Variants in ANKS1A observed in about 807,000 individuals in gnomAD.
The protein encoded by ANKS1A is ankyrin repeat and SAM domain-containing protein 1A.
A neutral mutation model predicts 120.3 loss-of-function variants in ANKS1A; 55 were observed. The ratio of observed to expected loss-of-function variants is 0.46; its 90% CI spans 0.37 to 0.57. ANKS1A has a LOEUF of 0.57. Ranked by LOEUF, ANKS1A falls within the 20% of genes least tolerant of loss-of-function variation. The pLI is 0.00. For synonymous variants in ANKS1A, 590 were observed against 604.7 expected (o/e 0.98, Z 0.36); for missense variants, 1,123 against 1,480.3 (o/e 0.76, Z 3.96).
intron 11 of ANKS1A, among the ~76,000 whole-genome samples, chr6:35,038,021 G>T (rs899331079): frequency 6.6e-6 from 1 of 152,124 alleles, no homozygotes; most frequent in East Asian, 1.9e-4. Context: ...GATGGCTGGC[G>T]TCAGGTCTCT....
rs1315939764 is a variant in ANKS1A, at chr6:35,017,773, C to T, written c.1724C>T (p.Thr575Ile). The change falls in exon 11 of 24, where the codon ACC (threonine) becomes ATC (isoleucine). Residue 575 changes from threonine (T) to isoleucine (I), a missense_variant. Coordinates refer to ENST00000360359, the MANE Select transcript of ANKS1A (RefSeq NM_015245.3). Reference protein sequence around the residue: ...RVGYLTGLPTTNSRSHPETLT... With the variant: ...RVGYLTGLPTINSRSHPETLT... Reference sequence around the variant, plus strand: ...GGCTACCTCACAGGCCTGCCCACCACCAACAGCCGCTCGCACCCTGAAACT... The same window carrying T: ...GGCTACCTCACAGGCCTGCCCACCATCAACAGCCGCTCGCACCCTGAAACT... The T allele has an allele frequency of 6.2e-7, 1 of 1,614,050 alleles. No individual in the cohort carries two copies. Among genetic ancestry groups the T allele is most frequent in the Non-Finnish European group, 8.5e-7 (1 of 1,180,050 alleles).
chr6:34,950,118 T>TAC (rs982804888), intron 1 of ANKS1A, among the ~76,000 whole-genome samples: 38 of 152,240 alleles, frequency 2.5e-4, no homozygotes, highest in African/African-American at 8.7e-4. Context: ...AGCTTGAGGT[T>TAC]ACAGTGAGCT....
chr6:35,055,212 G>C (rs1447535286), intron 12 of ANKS1A, among the ~76,000 whole-genome samples: 1 of 152,164 alleles, frequency 6.6e-6, no homozygotes, highest in East Asian at 1.9e-4. Context: ...CTTGGCTCTA[G>C]AGACATATGT....
chr6:35,064,566 C>T (rs976680110), intron 13 of ANKS1A, among the ~76,000 whole-genome samples: 2 of 152,224 alleles, frequency 1.3e-5, no homozygotes, highest in African/African-American at 4.8e-5. Context: ...ACCAGGTCCC[C>T]AAGCCCCTGA....
intron 10 of ANKS1A, among the ~76,000 whole-genome samples, chr6:35,011,333 C>T (rs1249182192): frequency 1.3e-5 from 2 of 152,176 alleles, no homozygotes; most frequent in Non-Finnish European, 2.9e-5. Flanking sequence ...GGAGCAAAGA[C>T]AGCAAATATG....
chr6:35,074,451 G>C (rs1263275991), intron 13 of ANKS1A, among the ~76,000 whole-genome samples: 1 of 151,042 alleles, frequency 6.6e-6, no homozygotes, highest in African/African-American at 2.4e-5. Context: ...AAAAAAAATA[G>C]CCAGGCATGG....
At chr6:35,012,608 G>A (rs560911541) in intron 10 of ANKS1A, among the ~76,000 whole-genome samples, 5 of 152,332 alleles carry the variant, frequency 3.3e-5, no homozygotes, top group Admixed American at 2.0e-4. Context: ...ATTTAAGTGG[G>A]CAGAGGTGAA....
chr6:35,085,685 A>C lies in ANKS1A; in HGVS notation c.3133-81A>C, dbSNP rs118103898. The C allele has an allele frequency of 1.1e-4, 162 of 1,433,480 alleles. No homozygotes were observed. In the East Asian group the frequency reaches 3.8e-3, roughly 34 times the overall value. The allele number at this position is 1,433,480 out of a possible 1,614,324, so 88.8% of individuals were successfully genotyped here. ...CCCGGGTAGACTTAGAGGGGGACAC[A>C]TGGTCCCTGCGAGGAAGGGCATATC... On this transcript the variant is annotated intron_variant, in intron 21 of 23. Transcript: ENST00000360359. The surrounding 1 kb of genome is among the most constrained non-coding windows in gnomAD (Gnocchi z 4.7).
chr6:35,066,208 G>T (rs377406014), intron 13 of ANKS1A, among the ~76,000 whole-genome samples: 1 of 152,202 alleles, frequency 6.6e-6, no homozygotes, highest in Non-Finnish European at 1.5e-5. Context: ...GAGCAAAACC[G>T]CATGTAAGGA....
chr6:34,949,680 G>T (rs763524603), intron 1 of ANKS1A, among the ~76,000 whole-genome samples: 1 of 152,112 alleles, frequency 6.6e-6, no homozygotes, highest in Non-Finnish European at 1.5e-5. Context: ...GCCATGGCTG[G>T]GTTAGGTAGG....
chr6:35,002,871 C>T (rs1170654085), intron 10 of ANKS1A, among the ~76,000 whole-genome samples: 4 of 151,478 alleles, frequency 2.6e-5, no homozygotes, highest in South Asian at 4.2e-4. Flanking sequence ...AAAACAGTTA[C>T]GTGGTGGAGT....
chr6:35,076,415 A>G (rs1777360558), intron 13 of ANKS1A, among the ~76,000 whole-genome samples: 1 of 152,154 alleles, frequency 6.6e-6, no homozygotes, highest in Non-Finnish European at 1.5e-5. Flanking sequence ...CTGTCTCAAA[A>G]AAAGAAAAAC....
intron 1 of ANKS1A, among the ~76,000 whole-genome samples, chr6:34,930,979 C>T (rs758123265): frequency 1.3e-5 from 2 of 151,252 alleles, no homozygotes; most frequent in African/African-American, 4.9e-5. Flanking sequence ...TGGGTTCAAG[C>T]GATTCTCCCG....
At chr6:35,070,268 C>CT (rs1777012257) in intron 13 of ANKS1A, among the ~76,000 whole-genome samples, 1 of 152,092 alleles carries the variant, frequency 6.6e-6, no homozygotes, top group African/African-American at 2.4e-5. Context: ...TCCACCAACT[C>CT]TTTCCCAGCT....
intron 1 of ANKS1A, among the ~76,000 whole-genome samples, chr6:34,892,143 T>C (rs1766854853): frequency 6.6e-6 from 1 of 152,214 alleles, no homozygotes; most frequent in Non-Finnish European, 1.5e-5. Context: ...TTGACTTGCT[T>C]CTGTGTCTTT....
At chr6:34,989,384 C>A in intron 9 of ANKS1A, 68 bp downstream of exon 9, 1 of 1,392,830 alleles carries the variant, frequency 7.2e-7, no homozygotes, top group Non-Finnish European at 1.0e-6. Context: ...TCGATGTGTG[C>A]TTTAAAAGAC....
At chr6:34,967,136 A>C in intron 1 of ANKS1A, 103 bp from the exon 2 acceptor site, 2 of 1,120,224 alleles carry the variant, frequency 1.8e-6, no homozygotes, top group Admixed American at 1.9e-5. Flanking sequence ...GTCTGGTTGA[A>C]CACCACACAG....
intron 1 of ANKS1A, among the ~76,000 whole-genome samples, chr6:34,903,141 A>C (rs1767444376): frequency 6.6e-6 from 1 of 152,202 alleles, no homozygotes; most frequent in African/African-American, 2.4e-5. Flanking sequence ...TAGAAGCTAA[A>C]GCCAATATTT....
chr6:35,078,496 C>A, intron 13 of ANKS1A, 62 bp from the exon 14 acceptor site: 1 of 1,505,602 alleles, frequency 6.6e-7, no homozygotes, highest in Non-Finnish European at 9.2e-7. Context: ...CCCACCTGAC[C>A]CCCTCAGGGC....
Sources: gnomAD v4.1 joint callset for allele counts (sites outside exome capture counted in the v4.1 genomes callset) on GRCh38, gnomAD v4.1.1 for gene constraint, Gnocchi (gnomAD v3.1) non-coding constraint, MANE v1.5 for transcripts, NCBI Gene and HGNC (gene_info 2026-07-23, HGNC 2026-07-21) for gene names.